REV3L: variants seen among roughly 807,000 people sequenced by gnomAD.
The protein encoded by REV3L is REV3 like, DNA directed polymerase zeta catalytic subunit, also known as DNA polymerase zeta catalytic subunit.
In REV3L, 69 loss-of-function variants were observed where a neutral mutation model predicts 299.4. That is an observed-to-expected ratio of 0.23 (90% confidence interval 0.19 to 0.28). The LOEUF is 0.28. REV3L is among the 10% of genes least tolerant of loss of function. The pLI, the probability that REV3L is intolerant of heterozygous loss-of-function variation, is 1.00. For synonymous variants in REV3L, 1,238 were observed against 1,271.4 expected, an observed-to-expected ratio of 0.97 and a Z score of 0.56; for missense variants, 3,128 against 3,693.8, an observed-to-expected ratio of 0.85 and a Z score of 3.97.
At chr6:111,466,750 G>T (rs144177361) in intron 1 of REV3L, among the ~76,000 whole-genome samples, 1 of 152,178 alleles carries the variant, frequency 6.6e-6, no homozygotes, top group Non-Finnish European at 1.5e-5. Context: ...ACTGAAGCAC[G>T]AGAATCACTT....
At chr6:111,325,555 C>A (rs918727523) in intron 25 of REV3L, among the ~76,000 whole-genome samples, 2 of 152,190 alleles carry the variant, frequency 1.3e-5, no homozygotes, top group African/African-American at 4.8e-5. Context: ...TAGTCCAGAT[C>A]TAGTACTTTT....
chr6:111,480,225 A>G (rs2128346711), intron 1 of REV3L, among the ~76,000 whole-genome samples: 1 of 152,348 alleles, frequency 6.6e-6, no homozygotes, highest in Non-Finnish European at 1.5e-5. Context: ...TTTATGTAGC[A>G]TAGGTTTATC....
chr6:111,319,543 G>A (rs1029592827), intron 26 of REV3L, among the ~76,000 whole-genome samples: 1 of 152,144 alleles, frequency 6.6e-6, no homozygotes, highest in Non-Finnish European at 1.5e-5. Context: ...AGTGGAGATG[G>A]TTAATGGGTA....
intron 18 of REV3L, among the ~76,000 whole-genome samples, chr6:111,353,098 A>C (rs1422349445): frequency 6.6e-6 from 1 of 152,164 alleles, no homozygotes; most frequent in East Asian, 1.9e-4. Flanking sequence ...TGAAACACTA[A>C]ATTGTGAGAT....
chr6:111,466,440 A>T (rs934761278), intron 1 of REV3L, among the ~76,000 whole-genome samples: 2 of 152,216 alleles, frequency 1.3e-5, no homozygotes, highest in Admixed American at 1.3e-4. Context: ...TTTCTCTAAG[A>T]AGTCACTGAT....
At chr6:111,447,394 G>A (rs565396048) in intron 1 of REV3L, among the ~76,000 whole-genome samples, 22 of 152,274 alleles carry the variant, frequency 1.4e-4, no homozygotes, top group African/African-American at 5.3e-4. Context: ...AAACAAACCT[G>A]TGGTCTTTAT....
At position 111,347,164 on chromosome 6, in the gene REV3L, G is replaced by A. The variant is rs538759246; in HGVS notation, c.7419+2054C>T. Among the ~76,000 whole-genome samples the A allele has an allele frequency of 1.4e-3, 219 of 152,206 alleles. 1 individual carries two copies. Among genetic ancestry groups the A allele is most frequent in the African/African-American group, 5.0e-3 (206 of 41,538 alleles). ...GGCACCTGTCATCCTACCTACTCAG[G>A]AGGCTGAGACAGGAGAATTGCTTGA... is the stretch of plus-strand genomic sequence containing the variant. On this transcript the variant is annotated intron_variant, in intron 20 of 31. Transcript: ENST00000368802.
intron 9 of REV3L, among the ~76,000 whole-genome samples, chr6:111,384,162 T>C (rs555844925): frequency 1.2e-4 from 18 of 152,202 alleles, no homozygotes; most frequent in East Asian, 5.8e-4. Context: ...AAAGAAAACA[T>C]TGGGGAAACT....
rs748016125 is a variant in REV3L, at chr6:111,379,967, T to C, written c.1454+15A>G. 3 of 1,485,344 alleles carry C rather than the reference T, an allele frequency of 2.0e-6. No individual in the cohort carries two copies. 92.0% of individuals were successfully genotyped at this position (1,485,344 alleles called of 1,614,324 possible). A position where few individuals can be genotyped will look rare whatever the true frequency, so the allele number is the denominator to read the frequency against. ...ATAAAAGTTAATAAAACAACTGCAA[T>C]AACTAAAAAATTACCTCTTTTTGGC... is the stretch of plus-strand genomic sequence containing the variant. On this transcript the variant is annotated intron_variant, in intron 11 of 31. Transcript: ENST00000368802.
In REV3L at chr6:111,392,968, A is replaced by G; in HGVS notation, c.570T>C (p.Asn190=). Residue 190 remains asparagine (N), a synonymous_variant, in exon 5 of 32, where the codon AAT becomes AAC. Transcript: ENST00000368802. ...VKFRKARRKS[N]TLHATGSCKN... is the part of the protein sequence containing the mutation. ...TGCAGGATCCAGTTGCATGCAATGT[A>G]TTACCTAGGAATAGAAAGGTAAAAG... 6.3e-7 allele frequency: 1 copy of G among 1,583,542 alleles called. No individual in the cohort carries two copies. Among genetic ancestry groups the G allele is most frequent in the East Asian group, 2.2e-5 (1 of 44,610 alleles).
At chr6:111,475,079 A>G (rs1030250333) in intron 1 of REV3L, among the ~76,000 whole-genome samples, 9 of 152,148 alleles carry the variant, frequency 5.9e-5, no homozygotes, top group Non-Finnish European at 1.0e-4. Context: ...TATATAGCAT[A>G]TAAAAATATA....
intron 21 of REV3L, among the ~76,000 whole-genome samples, chr6:111,337,681 T>A (rs571792274): frequency 7.9e-5 from 12 of 152,314 alleles, no homozygotes. Flanking sequence ...TTATAGTTTT[T>A]AAAATTATTA....
intron 1 of REV3L, among the ~76,000 whole-genome samples, chr6:111,439,596 C>T (rs943170960): frequency 6.6e-6 from 1 of 152,142 alleles, no homozygotes. Context: ...CAAAAGAAAT[C>T]GTTTTGAAGT....
In REV3L at chr6:111,373,406, T is replaced by C; in HGVS notation, c.4949A>G (p.Asn1650Ser). 1 of 1,613,582 alleles carries C rather than the reference T, an allele frequency of 6.2e-7. No individual in the cohort carries two copies. The highest frequency in any genetic ancestry group is 8.5e-7 in the Non-Finnish European group (1 of 1,179,866). The change falls in exon 13 of 32, where the codon AAC becomes AGC. Residue 1650 changes from asparagine to serine, a missense_variant. Around this residue, in one of 9 missense-constraint regions of REV3L, gnomAD observed 2,409 missense variants for 2,611.8 expected, o/e 0.92. Coordinates refer to ENST00000368802, the MANE Select transcript of REV3L (RefSeq NM_001372078.1). The part of the protein sequence containing the change: ...SPEHNYNFDI[N>S]TIGQTGFCSF... ...ACAAAATCCAGTCTGACCTATTGTG[T>C]TAATATCAAAATTATAATTATGTTC...
intron 1 of REV3L, among the ~76,000 whole-genome samples, chr6:111,481,239 A>T (rs546889873): frequency 6.6e-6 from 1 of 152,306 alleles, no homozygotes; most frequent in East Asian, 1.9e-4. Flanking sequence ...TCACTATTTT[A>T]TCCTTCCTCT....
At chr6:111,349,901 C>G (rs534646173) in intron 19 of REV3L, among the ~76,000 whole-genome samples, 151 of 152,292 alleles carry the variant, frequency 9.9e-4, no homozygotes, top group African/African-American at 3.5e-3. Flanking sequence ...ATATGGAGAA[C>G]TAGATGAAGA....
chr6:111,422,478 T>C (rs976665671), intron 1 of REV3L, among the ~76,000 whole-genome samples: 3 of 150,546 alleles, frequency 2.0e-5, no homozygotes, highest in Admixed American at 6.6e-5. Flanking sequence ...GATGTCTTTA[T>C]AGTCAGATGA....
intron 1 of REV3L, among the ~76,000 whole-genome samples, chr6:111,447,619 A>G (rs1789008711): frequency 6.6e-6 from 1 of 152,234 alleles, no homozygotes; most frequent in Non-Finnish European, 1.5e-5. Context: ...TGTGGGTCAC[A>G]GTGAACCTTT....
intron 1 of REV3L, chr6:111,431,854 T>C (rs1786974283): frequency 5.9e-6 from 3 of 510,388 alleles, no homozygotes; most frequent in Non-Finnish European, 1.1e-5. Context: ...CTTTTTAGAA[T>C]ATGTTAAATA....
Sources: allele counts gnomAD v4.1 joint callset (sites outside exome capture counted in the v4.1 genomes callset), GRCh38; gene constraint gnomAD v4.1.1; regional missense constraint gnomAD v4.1.1; transcripts MANE v1.5; gene names NCBI Gene and HGNC (gene_info 2026-07-23, HGNC 2026-07-21).